IQUB: variants seen among roughly 807,000 people sequenced by gnomAD.
IQUB encodes the protein IQ motif and ubiquitin domain containing, also known as IQ motif and ubiquitin-like domain-containing protein.
IQUB carries 86 observed loss-of-function variants against 86.4 expected under a neutral mutation model. That is an observed-to-expected ratio of 1.00 (90% CI 0.84 to 1.19). The LOEUF (loss-of-function observed/expected upper bound fraction) is 1.19. Ranked by LOEUF, IQUB falls within the 50% of genes most tolerant of loss-of-function variation. The pLI is 0.00. For synonymous variants in IQUB, 289 were observed against 304.5 expected, an observed-to-expected ratio of 0.95 and a Z score of 0.53; for missense variants, 946 against 916.9, an observed-to-expected ratio of 1.03 and a Z score of -0.41.
intron 1 of IQUB, among the ~76,000 whole-genome samples, chr7:123,517,401 G>A (rs1796689983): frequency 6.6e-6 from 1 of 151,564 alleles, no homozygotes; most frequent in Non-Finnish European, 1.5e-5. Flanking sequence ...CGTTGTGGCA[G>A]GCGCCTGTAG....
chr7:123,528,289 G>A (rs1028970663), intron 1 of IQUB, among the ~76,000 whole-genome samples: 1 of 152,196 alleles, frequency 6.6e-6, no homozygotes, highest in African/African-American at 2.4e-5. Flanking sequence ...CGTCGCTCAC[G>A]CTGGGAGCTG....
At chr7:123,494,028 T>G (rs1046241103) in intron 7 of IQUB, among the ~76,000 whole-genome samples, 15 of 152,014 alleles carry the variant, frequency 9.9e-5, no homozygotes, top group African/African-American at 3.6e-4. Context: ...AAACAAAAAA[T>G]TATATTCTGC....
intron 1 of IQUB, among the ~76,000 whole-genome samples, chr7:123,529,740 A>AAAAAC (rs1363693998): frequency 1.4e-5 from 2 of 147,970 alleles, no homozygotes; most frequent in African/African-American, 4.9e-5. Flanking sequence ...AAAAAAAAAA[A>AAAAAC]AAAAAAAAAA....
chr7:123,524,399 T>C (rs1371662307), intron 1 of IQUB, among the ~76,000 whole-genome samples: 3 of 150,994 alleles, frequency 2.0e-5, no homozygotes, highest in South Asian at 2.1e-4. Context: ...GTTTGTAGTT[T>C]TCCTTGAAGA....
chr7:123,489,447 AATC>A (rs1242792816), intron 7 of IQUB, among the ~76,000 whole-genome samples: 1 of 152,094 alleles, frequency 6.6e-6, no homozygotes, highest in Non-Finnish European at 1.5e-5. Flanking sequence ...CATGAGTAAA[AATC>A]AGCAGGAATG....
intron 1 of IQUB, among the ~76,000 whole-genome samples, chr7:123,531,921 G>C (rs1265508076): frequency 6.6e-6 from 1 of 152,146 alleles, no homozygotes; most frequent in East Asian, 1.9e-4. Context: ...TGGGACTTCA[G>C]CACAGAGGTT....
At chr7:123,456,819 A>G (rs1397579094) in intron 12 of IQUB, 1 of 152,168 alleles carries the variant, frequency 6.6e-6, no homozygotes, top group Non-Finnish European at 1.5e-5. Flanking sequence ...TGCTTGCTCC[A>G]CTCCCAGCAA....
chr7:123,476,699 T>C (rs1486500799), intron 8 of IQUB, among the ~76,000 whole-genome samples: 2 of 151,254 alleles, frequency 1.3e-5, no homozygotes, highest in Non-Finnish European at 2.9e-5. Context: ...GTCGAGCTCA[T>C]GCATACAAGA....
intron 12 of IQUB, 133 bp from the exon 13 acceptor site, chr7:123,453,058 A>C: frequency 1.5e-6 from 1 of 663,320 alleles, no homozygotes; most frequent in Non-Finnish European, 2.5e-6. Context: ...CACGTTGTCT[A>C]TCATCATTCA....
intron 7 of IQUB, among the ~76,000 whole-genome samples, chr7:123,482,423 T>C (rs1462952913): frequency 2.0e-5 from 3 of 152,058 alleles, no homozygotes; most frequent in Non-Finnish European, 4.4e-5. Context: ...ACATATCATA[T>C]TGTAATAGAA....
intron 7 of IQUB, among the ~76,000 whole-genome samples, chr7:123,493,460 C>T (rs766106022): frequency 5.3e-5 from 8 of 152,050 alleles, no homozygotes; most frequent in Non-Finnish European, 1.0e-4. Context: ...CTCTCATTGA[C>T]TCTGGTATCC....
chr7:123,467,464 T>C (rs985788648), intron 9 of IQUB, among the ~76,000 whole-genome samples: 3 of 152,166 alleles, frequency 2.0e-5, no homozygotes, highest in African/African-American at 7.2e-5. Context: ...TCTAAGGTCA[T>C]GTTTCTTCTC....
chr7:123,532,651 C>T (rs952392340), intron 1 of IQUB: 2 of 152,056 alleles, frequency 1.3e-5, no homozygotes, highest in African/African-American at 4.8e-5. Flanking sequence ...GCTCAGAAAG[C>T]GGAAAAAGAA....
chr7:123,488,325 A>G (rs1383220652), intron 7 of IQUB, among the ~76,000 whole-genome samples: 1 of 149,026 alleles, frequency 6.7e-6, no homozygotes, highest in Non-Finnish European at 1.5e-5. Flanking sequence ...TGGGTGACAG[A>G]GCAAGACTCT....
chr7:123,497,264 GATA>G (rs1795747279), intron 6 of IQUB, among the ~76,000 whole-genome samples: 1 of 152,112 alleles, frequency 6.6e-6, no homozygotes, highest in Non-Finnish European at 1.5e-5. Flanking sequence ...GTAAAACAGT[GATA>G]ATAAGAGTAT....
At chr7:123,482,111 A>G (rs1194040851) in intron 7 of IQUB, among the ~76,000 whole-genome samples, 2 of 152,082 alleles carry the variant, frequency 1.3e-5, no homozygotes, top group African/African-American at 4.8e-5. Context: ...TTTTAGGTAC[A>G]AGGTGATTTT....
chr7:123,501,091 G>A (rs142083896), intron 6 of IQUB: 1 of 152,308 alleles, frequency 6.6e-6, no homozygotes, highest in East Asian at 1.9e-4. Context: ...CCAATGGGAT[G>A]CAAGTAGAAG....
At chr7:123,501,902 T>G (rs1255235565) in intron 6 of IQUB, 2 of 152,148 alleles carry the variant, frequency 1.3e-5, no homozygotes, top group African/African-American at 4.8e-5. Flanking sequence ...AAGTAAAAAA[T>G]TATCAGGCTG....
chr7:123,480,020 A>G (rs562842601), intron 7 of IQUB, 50 bp from the exon 8 acceptor site: 1 of 1,352,608 alleles, frequency 7.4e-7, no homozygotes, highest in East Asian at 2.3e-5. Context: ...TCCCATCTTG[A>G]ATGATCACAT....
Sources: allele counts gnomAD v4.1 joint callset (sites outside exome capture counted in the v4.1 genomes callset), GRCh38; gene constraint gnomAD v4.1.1; transcripts MANE v1.5; gene names NCBI Gene and HGNC (gene_info 2026-07-23, HGNC 2026-07-21).